Variants in PAPPA observed in about 807,000 individuals in gnomAD.
The protein encoded by PAPPA is pappalysin 1, also known as pappalysin-1.
In PAPPA, 60 loss-of-function variants were observed where a neutral mutation model predicts 164.0. The ratio of observed to expected loss-of-function variants is 0.37; its 90% CI spans 0.30 to 0.45. PAPPA has a LOEUF of 0.45. Ranked by LOEUF, PAPPA falls within the 20% of genes least tolerant of loss-of-function variation. PAPPA has a pLI of 1.00. For synonymous variants in PAPPA, 875 were observed against 814.1 expected, an observed-to-expected ratio of 1.07 and a Z score of -1.27; for missense variants, 1,782 against 2,087.3, an observed-to-expected ratio of 0.85 and a Z score of 2.85.
chr9:116,269,583 C>T (rs139251578), intron 8 of PAPPA, among the ~76,000 whole-genome samples: 1 of 152,164 alleles, frequency 6.6e-6, no homozygotes. Flanking sequence ...GCCACCCGCT[C>T]CAGCCCCAGA....
rs1846008286 is a variant in PAPPA at position 116,332,577 on chromosome 9, CT to C, written c.3397+112del. On this transcript the variant is annotated intron_variant, in intron 12 of 21. Transcript: ENST00000328252. ...AATGAGCTCTTCCTTCCTTTTTCCC[CT>C]TTCTTGCTTCTTTTCTATTTGGCAT... The C allele has an allele frequency of 3.0e-6, 3 of 985,238 alleles. No individual in the cohort carries two copies. The African/African-American group carries it at 4.8e-5, about 16-fold the overall frequency. 61.0% of individuals were successfully genotyped at this position (985,238 alleles called of 1,614,324 possible).
At chr9:116,376,013 C>T (rs9697050) in intron 19 of PAPPA, among the ~76,000 whole-genome samples, 1 of 143,098 alleles carries the variant, frequency 7.0e-6, no homozygotes, top group African/African-American at 2.6e-5. Context: ...GAAAAGGGAA[C>T]TTCCAGGATT....
chr9:116,243,177 A>G (rs1429384566), intron 7 of PAPPA, among the ~76,000 whole-genome samples: 2 of 152,212 alleles, frequency 1.3e-5, no homozygotes, highest in Admixed American at 1.3e-4. Flanking sequence ...ATGTATTGAT[A>G]TATTTATCAA....
intron 5 of PAPPA, among the ~76,000 whole-genome samples, chr9:116,221,869 T>G (rs1455190994): frequency 6.6e-6 from 1 of 152,132 alleles, no homozygotes; most frequent in East Asian, 1.9e-4. Context: ...GTAGAAGAAA[T>G]GCTCAACCTC....
chr9:116,232,280 A>C lies in PAPPA; in HGVS notation c.2234-2859A>C, dbSNP rs74396232. Among the ~76,000 whole-genome samples, 945 of 152,178 alleles carry C rather than the reference A, an allele frequency of 6.2e-3. 16 individuals are homozygous for C. Among genetic ancestry groups the C allele is most frequent in the African/African-American group, 0.021 (888 of 41,512 alleles). On this transcript the variant is annotated intron_variant, in intron 6 of 21. Transcript: ENST00000328252. ...CTTACACTCTCTCCCAACTATTCTC[A>C]TGCTTGGAATACCTCCTCTTACCAA...
intron 10 of PAPPA, among the ~76,000 whole-genome samples, chr9:116,323,862 T>C (rs1408220487): frequency 6.6e-6 from 1 of 152,228 alleles, no homozygotes; most frequent in African/African-American, 2.4e-5. Context: ...GATGAATTCA[T>C]CTTACTCTGT....
In PAPPA at chr9:116,187,464, C is replaced by A. The variant is rs1843986348; in HGVS notation, c.726C>A (p.Gly242=). The change falls in exon 2 of 22, where the codon GGC becomes GGA. Residue 242 remains glycine, a synonymous_variant. Coordinates refer to ENST00000328252, the MANE Select transcript of PAPPA (RefSeq NM_002581.5). The surrounding 1 kb of genome is among the most constrained non-coding windows in gnomAD (Gnocchi z 4.2). ...TQKCKVLMLG[G]SALNHNYRGY... is the part of the protein sequence containing the mutation. ...AGTGCAAAGTGCTCATGTTAGGGGGCAGTGCCCTGAATCACAACTACCGGG... is the reference window on the plus strand; with the variant it reads ...AGTGCAAAGTGCTCATGTTAGGGGGAAGTGCCCTGAATCACAACTACCGGG... 1.2e-6 allele frequency: 2 copies of A among 1,614,056 alleles called. No individual in the cohort carries two copies. The highest frequency in any genetic ancestry group is 2.7e-5 in the African/African-American group (2 of 74,930).
intron 1 of PAPPA, among the ~76,000 whole-genome samples, chr9:116,159,412 G>A (rs185695095): frequency 6.6e-6 from 1 of 152,202 alleles, no homozygotes; most frequent in African/African-American, 2.4e-5. Context: ...GAGTTGCTGG[G>A]GAGTCTCTCT....
chr9:116,162,358 T>C (rs114123369), intron 1 of PAPPA, among the ~76,000 whole-genome samples: 176 of 152,308 alleles, frequency 1.2e-3, no homozygotes, highest in African/African-American at 4.1e-3. Flanking sequence ...CAGGTCCACA[T>C]ACCCTTAGTT....
intron 5 of PAPPA, among the ~76,000 whole-genome samples, chr9:116,223,855 C>T (rs1201802152): frequency 1.3e-5 from 2 of 152,212 alleles, no homozygotes; most frequent in Non-Finnish European, 2.9e-5. Flanking sequence ...AGCCATCTCA[C>T]CTCTGATCCT....
At chr9:116,305,312 T>C (rs1845632132) in intron 10 of PAPPA, among the ~76,000 whole-genome samples, 1 of 152,140 alleles carries the variant, frequency 6.6e-6, no homozygotes, top group Non-Finnish European at 1.5e-5. Flanking sequence ...TGGTAGTTAA[T>C]TTTCACCCTG....
chr9:116,342,472 A>C (rs1846150426), intron 13 of PAPPA, among the ~76,000 whole-genome samples: 1 of 152,162 alleles, frequency 6.6e-6, no homozygotes. Flanking sequence ...ACCTAAATTA[A>C]ATGCTTGTCC....
chr9:116,297,730 C>G (rs778287372), intron 9 of PAPPA, among the ~76,000 whole-genome samples: 2 of 152,122 alleles, frequency 1.3e-5, no homozygotes, highest in African/African-American at 2.4e-5. Context: ...CTTCAAGATA[C>G]CTTAGGGTCT....
chr9:116,216,030 G>C (rs550348447), intron 4 of PAPPA, among the ~76,000 whole-genome samples: 16 of 152,044 alleles, frequency 1.1e-4, no homozygotes, highest in Non-Finnish European at 2.1e-4. Flanking sequence ...TCAGGGTAAT[G>C]TTTATTTTTT....
intron 8 of PAPPA, among the ~76,000 whole-genome samples, chr9:116,267,141 A>G (rs1190220657): frequency 1.9e-4 from 29 of 152,258 alleles, no homozygotes. Flanking sequence ...TAGGAGTAGT[A>G]CATATATGAA....
At chr9:116,366,943 C>T (rs959021915) in intron 18 of PAPPA, among the ~76,000 whole-genome samples, 10 of 152,078 alleles carry the variant, frequency 6.6e-5, no homozygotes, top group Non-Finnish European at 1.5e-5. Flanking sequence ...AACCCTGGGG[C>T]AAGAGAAGCT....
intron 1 of PAPPA, among the ~76,000 whole-genome samples, chr9:116,156,348 G>GTATATATATATGTA: frequency 8.5e-6 from 1 of 117,110 alleles, no homozygotes; most frequent in Non-Finnish European, 1.9e-5. Context: ...ATATATATAT[G>GTATATATATATGTA]TATATATATA....
At chr9:116,302,618 AATAGTCC>A in intron 9 of PAPPA, 132 bp from the exon 10 acceptor site, 1 of 599,678 alleles carries the variant, frequency 1.7e-6, no homozygotes, top group South Asian at 2.4e-5. Flanking sequence ...AAGACTGAGT[AATAGTCC>A]ATCGTGACTA....
chr9:116,204,343 G>T (rs1289032233), intron 2 of PAPPA, among the ~76,000 whole-genome samples: 4 of 152,158 alleles, frequency 2.6e-5, no homozygotes, highest in African/African-American at 9.7e-5. Context: ...ATAGATATAG[G>T]TCTATCTGTC....
Sources: gnomAD v4.1 joint callset for allele counts (sites outside exome capture counted in the v4.1 genomes callset) on GRCh38, gnomAD v4.1.1 for gene constraint, Gnocchi (gnomAD v3.1) non-coding constraint, MANE v1.5 for transcripts, NCBI Gene and HGNC (gene_info 2026-07-23, HGNC 2026-07-21) for gene names.